PNPLA7: variants seen among roughly 807,000 people sequenced by gnomAD.
The protein encoded by PNPLA7 is patatin like domain 7, lysophospholipase.
In PNPLA7, 153 loss-of-function variants were observed where a neutral mutation model predicts 161.7. The ratio of observed to expected loss-of-function variants is 0.95; its 90% CI spans 0.83 to 1.08. The LOEUF (loss-of-function observed/expected upper bound fraction) is 1.08, where lower values mean the gene tolerates loss of function less well. PNPLA7 is among the 50% of genes least tolerant of loss of function. The pLI is 0.00. For synonymous variants in PNPLA7, 809 were observed against 782.1 expected, an observed-to-expected ratio of 1.03 and a Z score of -0.57; for missense variants, 1,739 against 1,856.6, an observed-to-expected ratio of 0.94 and a Z score of 1.16.
intron 25 of PNPLA7, among the ~76,000 whole-genome samples, chr9:137,473,668 GAC>G (rs1364212335): frequency 6.6e-6 from 1 of 152,186 alleles, no homozygotes; most frequent in African/African-American, 2.4e-5. Flanking sequence ...CACAAAAGAA[GAC>G]ACACAAATGG....
chr9:137,536,936 C>T (rs948137341), intron 8 of PNPLA7, among the ~76,000 whole-genome samples: 2 of 142,752 alleles, frequency 1.4e-5, no homozygotes, highest in African/African-American at 5.3e-5. Context: ...GGCCATCCTC[C>T]GAGCCACACT....
chr9:137,494,955 C>A, intron 19 of PNPLA7, 78 bp downstream of exon 19: 1 of 1,350,246 alleles, frequency 7.4e-7, no homozygotes. Flanking sequence ...CCCTCACCCG[C>A]TCCGCCCTCA....
chr9:137,496,347 T>G (rs1373396545), intron 18 of PNPLA7, among the ~76,000 whole-genome samples: 2 of 150,826 alleles, frequency 1.3e-5, no homozygotes, highest in African/African-American at 4.9e-5. Flanking sequence ...CCTCAGGTGG[T>G]CCACCCACCT....
At chr9:137,472,416 C>T (rs1259740212) in intron 25 of PNPLA7, among the ~76,000 whole-genome samples, 4 of 151,240 alleles carry the variant, frequency 2.6e-5, no homozygotes, top group Admixed American at 6.6e-5. Flanking sequence ...TTTGGGAGGC[C>T]GAGGTGGGCG....
chr9:137,549,764 G>A (rs1403247665), intron 1 of PNPLA7, among the ~76,000 whole-genome samples: 1 of 151,794 alleles, frequency 6.6e-6, no homozygotes, highest in African/African-American at 2.4e-5. Flanking sequence ...CAGCCTGGGC[G>A]ACAGAGCGAG....
At chr9:137,535,582 G>A (rs145220719) in intron 8 of PNPLA7, among the ~76,000 whole-genome samples, 1,761 of 151,750 alleles carry the variant, frequency 0.012, 39 homozygotes, top group African/African-American at 0.039. Flanking sequence ...GTGAAACCCC[G>A]TCCCTACTAA....
chr9:137,486,210 G>T lies in PNPLA7; in HGVS notation c.2198-1474C>A, dbSNP rs1832475550. ...GGGGACGCGGCATGGTGAGGGAAGA[G>T]GCCAGGAGAGCAAGCCTGGGGACAC... On this transcript the variant is annotated intron_variant, in intron 20 of 34. Coordinates refer to ENST00000406427, the MANE Select transcript of PNPLA7 (RefSeq NM_001098537.3). This position sits in a 1 kb window ranked among gnomAD's most constrained non-coding sequence, Gnocchi z 6.0. Among the ~76,000 whole-genome samples, 1 of 152,096 alleles carries T rather than the reference G, an allele frequency of 6.6e-6. No homozygotes were observed. Among genetic ancestry groups the T allele is most frequent in the Non-Finnish European group, 1.5e-5 (1 of 68,016 alleles).
At position 137,486,779 on chromosome 9, in the gene PNPLA7, C is replaced by T. The variant is rs1466737600; in HGVS notation, c.2198-2043G>A. On this transcript the variant is annotated intron_variant, in intron 20 of 34. Transcript: ENST00000406427. The surrounding 1 kb of genome is among the most constrained non-coding windows in gnomAD (Gnocchi z 6.0). ...AGTGGCCGGAGCTGGCCTTCGACGC[C>T]CAAGTCTGCCCGGAGCCTTTTTTGC... Among the ~76,000 whole-genome samples the T allele has an allele frequency of 2.0e-5, 3 of 151,998 alleles. No individual in the cohort carries two copies. Among genetic ancestry groups the T allele is most frequent in the Middle Eastern group, 3.4e-3 (1 of 294 alleles).
intron 20 of PNPLA7, among the ~76,000 whole-genome samples, chr9:137,487,463 A>C (rs765666301): frequency 6.6e-6 from 1 of 152,202 alleles, no homozygotes; most frequent in Non-Finnish European, 1.5e-5. Context: ...AGCCCCAGTA[A>C]AGGACCCTGC....
At chr9:137,504,930 T>C (rs1345893906) in intron 14 of PNPLA7, among the ~76,000 whole-genome samples, 1 of 152,166 alleles carries the variant, frequency 6.6e-6, no homozygotes, top group African/African-American at 2.4e-5. Flanking sequence ...GGCTCACGCC[T>C]GTAATCCCAA....
intron 25 of PNPLA7, among the ~76,000 whole-genome samples, chr9:137,473,775 G>C (rs576271632): frequency 6.6e-6 from 1 of 152,212 alleles, no homozygotes; most frequent in Middle Eastern, 3.4e-3. Flanking sequence ...CATTAGAATG[G>C]GCAAAATTTA....
chr9:137,494,776 C>A (rs1244076646), intron 19 of PNPLA7, among the ~76,000 whole-genome samples: 1 of 147,958 alleles, frequency 6.8e-6, no homozygotes, highest in East Asian at 2.0e-4. Context: ...TGCTCCGTGA[C>A]CTCATCCACT....
At chr9:137,498,963 G>C (rs973405129) in intron 16 of PNPLA7, among the ~76,000 whole-genome samples, 1 of 152,176 alleles carries the variant, frequency 6.6e-6, no homozygotes, top group Admixed American at 6.5e-5. Flanking sequence ...GCTTTGCACA[G>C]GAGGTGGGGG....
At chr9:137,464,564 G>T in intron 26 of PNPLA7, 108 bp from the exon 27 acceptor site, 1 of 1,024,400 alleles carries the variant, frequency 9.8e-7, no homozygotes, top group Non-Finnish European at 1.5e-6. Flanking sequence ...GGGGTCCAGA[G>T]TGTCCTTGGG....
At chr9:137,461,133 A>G in intron 33 of PNPLA7, 1 of 320,400 alleles carries the variant, frequency 3.1e-6, no homozygotes, top group Admixed American at 4.5e-5. Flanking sequence ...TGAGGAGGCC[A>G]CTGGCTGAAG....
intron 18 of PNPLA7, 72 bp downstream of exon 18, chr9:137,497,115 C>A: frequency 2.2e-6 from 3 of 1,378,932 alleles, no homozygotes; most frequent in Non-Finnish European, 2.8e-6. Context: ...CAGGCCACAC[C>A]CAGGCCAGAA....
Position 137,506,017 on chromosome 9 carries a change from G to C in PNPLA7, c.1292C>G (p.Ser431Trp). 1 of 1,612,834 alleles carries C rather than the reference G, an allele frequency of 6.2e-7. No individual in the cohort carries two copies. Among genetic ancestry groups the C allele is most frequent in the South Asian group, 1.1e-5 (1 of 90,884 alleles). Residue 431 changes from serine (S) to tryptophan (W), a missense_variant, in exon 13 of 35, where the codon TCG (serine) becomes TGG (tryptophan). By Grantham distance (177) the Ser-to-Trp change is radical. This residue lies in a region of PNPLA7 where 481 missense variants were observed against 450.0 expected (regional missense o/e 1.07). Coordinates refer to ENST00000406427, the MANE Select transcript of PNPLA7 (RefSeq NM_001098537.3). ...ACDRARVFLH[S>W]DEHPGSSVAS... ...CACGGAGCTCCCGGGGTGCTCGTCC[G>C]AGTGCAGGAAGACCCTGGCACGGTC...
intron 20 of PNPLA7, chr9:137,492,003 GCA>G: frequency 6.1e-6 from 6 of 985,444 alleles, no homozygotes; most frequent in Non-Finnish European, 7.2e-6. Context: ...AGAGCAGCAG[GCA>G]CAGAGGCAGA....
Position 137,476,938 on chromosome 9 carries a change from G to A in PNPLA7, c.2882+1096C>T, listed in dbSNP as rs1831964279. Among the ~76,000 whole-genome samples the A allele has an allele frequency of 1.3e-5, 2 of 152,238 alleles. No homozygotes were observed. Among genetic ancestry groups the A allele is most frequent in the African/African-American group, 4.8e-5 (2 of 41,454 alleles). On this transcript the variant is annotated intron_variant, in intron 25 of 34. Transcript: ENST00000406427. This position sits in a 1 kb window ranked among gnomAD's most constrained non-coding sequence, Gnocchi z 4.5. ...CACCTCATCACCTAGAACAGCCCCA[G>A]GCTGACAGGGCCCTGCCCTGGGGCC... is the stretch of plus-strand genomic sequence containing the variant.
Sources: allele counts gnomAD v4.1 joint callset (sites outside exome capture counted in the v4.1 genomes callset), GRCh38; gene constraint gnomAD v4.1.1; regional missense constraint gnomAD v4.1.1; non-coding constraint Gnocchi (gnomAD v3.1); transcripts MANE v1.5; gene names NCBI Gene and HGNC (gene_info 2026-07-23, HGNC 2026-07-21).